The following RFTN1 variants were observed in gnomAD, a reference collection of about 807,000 sequenced individuals.
RFTN1 encodes raftlin, lipid raft linker 1, also known as raftlin.
A neutral mutation model predicts 46.5 loss-of-function variants in RFTN1; 26 were observed. The ratio of observed to expected loss-of-function variants is 0.56; its 90% CI spans 0.41 to 0.78. RFTN1 has a LOEUF of 0.78. Ranked by LOEUF, RFTN1 falls within the 30% of genes least tolerant of loss-of-function variation. The probability of loss-of-function intolerance (pLI) is 0.00; values close to 1 mark genes in which losing one functional copy is unlikely to be tolerated. For missense variants in RFTN1, 693 were observed against 718.7 expected (o/e 0.96, Z 0.41); for synonymous variants, 261 against 284.2 (o/e 0.92, Z 0.82).
Position 16,381,003 on chromosome 3 carries a change from C to CCT in RFTN1, c.442-2902_442-2901insAG, listed in dbSNP as rs2073974326. Among the ~76,000 whole-genome samples the CCT allele has an allele frequency of 6.6e-6, 1 of 152,190 alleles. No homozygotes were observed. Among genetic ancestry groups the CCT allele is most frequent in the Non-Finnish European group, 1.5e-5 (1 of 68,034 alleles). On this transcript the variant is annotated intron_variant, in intron 4 of 9. Transcript: ENST00000334133. This position sits in a 1 kb window ranked among gnomAD's most constrained non-coding sequence, Gnocchi z 4.2. Reference sequence around the variant, plus strand: ...GCCCCTACACTGGTCCAGGCCAACACGGTGCTTAGGTACCAGGAATGTAAA... The same window carrying CCT: ...GCCCCTACACTGGTCCAGGCCAACACCTGGTGCTTAGGTACCAGGAATGTAAA...
rs2075006429 is a variant in RFTN1, at chr3:16,413,063, A to G, written c.333-3580T>C. On this transcript the variant is annotated intron_variant, in intron 3 of 9. Transcript: ENST00000334133. The surrounding 1 kb of genome is among the most constrained non-coding windows in gnomAD (Gnocchi z 4.7). Reference sequence around the variant, plus strand: ...TAATAAATACGTACCATTTTGAACCATGAAATGTGTTATCATTTATTACAG... The same window carrying G: ...TAATAAATACGTACCATTTTGAACCGTGAAATGTGTTATCATTTATTACAG... Among the ~76,000 whole-genome samples, 1 of 152,258 alleles carries G rather than the reference A, an allele frequency of 6.6e-6. No homozygotes were observed. The highest frequency in any genetic ancestry group is 6.5e-5 in the Admixed American group (1 of 15,288).
In RFTN1 at chr3:16,384,866, G is replaced by A. The variant is rs2074114285; in HGVS notation, c.442-6764C>T. Among the ~76,000 whole-genome samples the A allele has an allele frequency of 1.3e-5, 2 of 152,216 alleles. No homozygotes were observed. The highest frequency in any genetic ancestry group is 2.9e-5 in the Non-Finnish European group (2 of 68,040). The stretch of plus-strand genomic sequence containing the variant: ...TGATGACCCCATGGACAGTGCAGGT[G>A]TAGAACATATCCATCATCATAGAAC... On this transcript the variant is annotated intron_variant, in intron 4 of 9. Transcript: ENST00000334133. This position sits in a 1 kb window ranked among gnomAD's most constrained non-coding sequence, Gnocchi z 4.7.
Position 16,466,944 on chromosome 3 carries a change from G to A in RFTN1, c.145+26781C>T, listed in dbSNP as rs1215961226. On this transcript the variant is annotated intron_variant, in intron 2 of 9. Transcript: ENST00000334133. The surrounding 1 kb of genome is among the most constrained non-coding windows in gnomAD (Gnocchi z 5.6). ...GGAAGGTCACTCTGATTGAAGAGGA[G>A]ATGGTTAGTAGGGGGATGGATGCAA... Among the ~76,000 whole-genome samples, 3 of 152,242 alleles carry A rather than the reference G, an allele frequency of 2.0e-5. No individual in the cohort carries two copies. Among genetic ancestry groups the A allele is most frequent in the Non-Finnish European group, 1.5e-5 (1 of 68,046 alleles).
intron 3 of RFTN1, among the ~76,000 whole-genome samples, chr3:16,415,732 G>A (rs2075066477): frequency 6.6e-6 from 1 of 151,802 alleles, no homozygotes; most frequent in Admixed American, 6.6e-5. Context: ...TTTCCTGGAA[G>A]CAAGGAAGCA....
At chr3:16,364,532 C>T (rs2073034922) in intron 6 of RFTN1, among the ~76,000 whole-genome samples, 1 of 152,042 alleles carries the variant, frequency 6.6e-6, no homozygotes, top group Non-Finnish European at 1.5e-5. Flanking sequence ...GTTTTCTGAC[C>T]ACTGCACCAT....
At chr3:16,319,629 T>C (rs2068819262) in intron 9 of RFTN1, among the ~76,000 whole-genome samples, 1 of 152,216 alleles carries the variant, frequency 6.6e-6, no homozygotes, top group Non-Finnish European at 1.5e-5. Flanking sequence ...ATAACAGAGC[T>C]TCCATAGTTT....
In RFTN1 at chr3:16,483,516, A is replaced by G. The variant is rs2076400891; in HGVS notation, c.145+10209T>C. On this transcript the variant is annotated intron_variant, in intron 2 of 9. Transcript: ENST00000334133. This position sits in a 1 kb window ranked among gnomAD's most constrained non-coding sequence, Gnocchi z 4.8. ...CAAACCACAACACCAAGACTGACTT[A>G]ATGGGTCTGGTGTGCAGCTGGGCAT... Among the ~76,000 whole-genome samples the G allele has an allele frequency of 6.6e-6, 1 of 152,184 alleles. No individual in the cohort carries two copies. The highest frequency in any genetic ancestry group is 6.5e-5 in the Admixed American group (1 of 15,284).
intron 9 of RFTN1, among the ~76,000 whole-genome samples, chr3:16,323,082 CCTT>C (rs2069259585): frequency 6.6e-6 from 1 of 152,188 alleles, no homozygotes; most frequent in African/African-American, 2.4e-5. Context: ...GACTTCGTGC[CCTT>C]CTTTTCATCC....
chr3:16,392,284 A>G (rs1021578444), intron 4 of RFTN1, among the ~76,000 whole-genome samples: 2 of 152,194 alleles, frequency 1.3e-5, no homozygotes, highest in Non-Finnish European at 2.9e-5. Flanking sequence ...GAAACCTTCC[A>G]GTGTCAGGGG....
rs370820242 is a variant in RFTN1, at chr3:16,345,788, C to CTGTGTGTGTGTGTGTGTGTG, written c.1146+12124_1146+12143dup. ...TGAGCCAAAACCTTATAATAAATCT[C>CTGTGTGTGTGTGTGTGTGTG]TGTGTGTGTGTGTGTGTGTGTGTGT... On this transcript the variant is annotated intron_variant, in intron 7 of 9. Transcript: ENST00000334133. The surrounding 1 kb of genome is among the most constrained non-coding windows in gnomAD (Gnocchi z 5.2). 2.2e-3 allele frequency among the ~76,000 whole-genome samples: 285 copies of CTGTGTGTGTGTGTGTGTGTG among 127,198 alleles called. No homozygotes were observed. The highest frequency in any genetic ancestry group is 5.5e-3 in the East Asian group (25 of 4,530). The allele number at this position is 127,198 out of a possible 152,430, so 83.4% of individuals were successfully genotyped here.
At chr3:16,434,094 T>C in intron 2 of RFTN1, 57 bp from the exon 3 acceptor site, 8 of 1,425,394 alleles carry the variant, frequency 5.6e-6, no homozygotes, top group Non-Finnish European at 7.5e-6. Context: ...CACTCAGCCC[T>C]GCCCAAACCC....
In RFTN1 at chr3:16,326,866, ACTTCGACACC is replaced by A; in HGVS notation, c.1147_1156del (p.Gly383CysfsTer9). ...CAGCAGGGGCACGTAGTCTGTCTGCACTTCGACACCCTGGGGGAACAAGGCCAGCATTAGG... is the reference window on the plus strand; with the variant it reads ...CAGCAGGGGCACGTAGTCTGTCTGCACTGGGGGAACAAGGCCAGCATTAGG... On this transcript the variant is annotated frameshift_variant and splice_region_variant, in exon 8 of 10. Coordinates refer to ENST00000334133, the MANE Select transcript of RFTN1 (RefSeq NM_015150.2). LOFTEE classifies it high-confidence loss of function. The A allele has an allele frequency of 6.2e-7, 1 of 1,613,700 alleles. No individual in the cohort carries two copies. The highest frequency in any genetic ancestry group is 1.1e-5 in the South Asian group (1 of 91,008).
Position 16,382,950 on chromosome 3 carries a change from T to G in RFTN1, c.442-4848A>C, listed in dbSNP as rs918773471. On this transcript the variant is annotated intron_variant, in intron 4 of 9. Coordinates refer to ENST00000334133, the MANE Select transcript of RFTN1 (RefSeq NM_015150.2). This position sits in a 1 kb window ranked among gnomAD's most constrained non-coding sequence, Gnocchi z 4.7. ...CTCAGCCATGGAGCTCCCCACAGAC[T>G]CCCACGCATGCCCACAACATCTCTA... is the stretch of plus-strand genomic sequence containing the variant. Among the ~76,000 whole-genome samples, 8 of 152,024 alleles carry G rather than the reference T, an allele frequency of 5.3e-5. No homozygotes were observed. The highest frequency in any genetic ancestry group is 1.9e-4 in the African/African-American group (8 of 41,390).
intron 2 of RFTN1, among the ~76,000 whole-genome samples, chr3:16,453,454 C>G (rs1253120019): frequency 6.6e-6 from 1 of 152,106 alleles, no homozygotes; most frequent in African/African-American, 2.4e-5. Context: ...TAAAAACCAA[C>G]AAACGACACC....
chr3:16,415,426 T>TACACACACACACACACACACACACAC (rs1234984041), intron 3 of RFTN1, among the ~76,000 whole-genome samples: 3 of 90,178 alleles, frequency 3.3e-5, no homozygotes, highest in Non-Finnish European at 5.8e-5. Context: ...TATATATATA[T>TACACACACACACACACACACACACAC]ATATACACAC....
intron 5 of RFTN1, among the ~76,000 whole-genome samples, chr3:16,372,372 C>G (rs562064322): frequency 6.6e-6 from 1 of 152,192 alleles, no homozygotes; most frequent in Non-Finnish European, 1.5e-5. Flanking sequence ...ACTCCTGAAT[C>G]ATTAATTCCT....
intron 2 of RFTN1, among the ~76,000 whole-genome samples, chr3:16,435,671 G>A (rs1459084835): frequency 6.6e-6 from 1 of 152,090 alleles, no homozygotes; most frequent in Non-Finnish European, 1.5e-5. Flanking sequence ...GATCCATTGT[G>A]TGATATACCA....
At chr3:16,416,171 G>A (rs1009320586) in intron 3 of RFTN1, 2 of 456,098 alleles carry the variant, frequency 4.4e-6, no homozygotes, top group Non-Finnish European at 8.8e-6. Context: ...TTTCTGAAAG[G>A]AGTGAGAATA....
chr3:16,417,202 A>G (rs190271184), intron 3 of RFTN1, among the ~76,000 whole-genome samples: 65 of 151,734 alleles, frequency 4.3e-4, no homozygotes, highest in African/African-American at 1.4e-3. Context: ...ATTTTAGTAA[A>G]GATGAGTTCT....
Sources: allele counts gnomAD v4.1 joint callset (sites outside exome capture counted in the v4.1 genomes callset), GRCh38; gene constraint gnomAD v4.1.1; non-coding constraint Gnocchi (gnomAD v3.1); transcripts MANE v1.5; gene names NCBI Gene and HGNC (gene_info 2026-07-23, HGNC 2026-07-21).